The following CPAP variants were observed in gnomAD, a reference collection of about 807,000 sequenced individuals.
CPAP encodes centrosome assembly and centriole elongation protein.
At chr13:24,911,800 A>T in the CPAP span, 1 of 972,754 alleles carries the variant, frequency 1.0e-6, no homozygotes, top group Admixed American at 1.9e-5. Flanking sequence ...GTTGTATTAC[A>T]ACTCTACCAT....
the CPAP span, among the ~76,000 whole-genome samples, chr13:24,922,119 C>T: frequency 6.6e-6 from 1 of 152,080 alleles, no homozygotes; most frequent in Non-Finnish European, 1.5e-5. Flanking sequence ...GCAATTATAC[C>T]TCAATAAAAC....
At chr13:24,909,717 A>G in the CPAP span, 8 of 1,383,590 alleles carry the variant, frequency 5.8e-6, no homozygotes, top group African/African-American at 1.5e-5. Flanking sequence ...TAAAGAAAAA[A>G]CATGGAAAGG....
the CPAP span, among the ~76,000 whole-genome samples, chr13:24,933,309 A>C: frequency 6.6e-6 from 1 of 152,236 alleles, no homozygotes; most frequent in Non-Finnish European, 1.5e-5. Flanking sequence ...CCAGAGGCAG[A>C]GGAGGACCAG....
chr13:24,904,119 G>C, the CPAP span: 2 of 1,584,250 alleles, frequency 1.3e-6, no homozygotes, highest in Admixed American at 1.7e-5. Context: ...AAAAACACTA[G>C]CTAGCTAGTA....
At chr13:24,907,267 T>C in the CPAP span, 22 of 1,265,536 alleles carry the variant, frequency 1.7e-5, no homozygotes, top group Admixed American at 3.6e-5. Flanking sequence ...GTGCCTGGTA[T>C]AGAAACCCTT....
At chr13:24,918,092 T>C in the CPAP span, among the ~76,000 whole-genome samples, 4 of 152,230 alleles carry the variant, frequency 2.6e-5, no homozygotes, top group East Asian at 3.8e-4. Context: ...AATTATGGCA[T>C]ATTTTTCTAG....
chr13:24,905,424 A>G, the CPAP span: 2 of 1,614,172 alleles, frequency 1.2e-6, no homozygotes, highest in Non-Finnish European at 1.7e-6. Flanking sequence ...GGTTTCAAAG[A>G]AGGAAAGAAT....
chr13:24,919,018 AAAG>A, the CPAP span, among the ~76,000 whole-genome samples: 9 of 150,644 alleles, frequency 6.0e-5, no homozygotes, highest in African/African-American at 9.8e-5. Flanking sequence ...AAAAGCCTGG[AAAG>A]AAGGAGGGTG....
At chr13:24,915,770 G>T in the CPAP span, among the ~76,000 whole-genome samples, 51 of 152,284 alleles carry the variant, frequency 3.3e-4, no homozygotes, top group African/African-American at 1.2e-3. Context: ...TTGCACTCCA[G>T]CCTGGGCAAC....
chr13:24,910,242 T>C, the CPAP span, among the ~76,000 whole-genome samples: 1 of 152,234 alleles, frequency 6.6e-6, no homozygotes, highest in Non-Finnish European at 1.5e-5. Context: ...CATTGATTGT[T>C]TGAGACAGTC....
chr13:24,889,994 C>T, the CPAP span, among the ~76,000 whole-genome samples: 1 of 152,128 alleles, frequency 6.6e-6, no homozygotes, highest in Non-Finnish European at 1.5e-5. Flanking sequence ...TAGAACTTGT[C>T]ATTATCAATA....
chr13:24,926,415 G>C, the CPAP span, among the ~76,000 whole-genome samples: 1 of 152,172 alleles, frequency 6.6e-6, no homozygotes, highest in Non-Finnish European at 1.5e-5. Context: ...AGGCACGTTA[G>C]ACCAAGAACT....
the CPAP span, chr13:24,884,079 T>C: frequency 6.3e-7 from 1 of 1,586,176 alleles, no homozygotes; most frequent in Admixed American, 1.8e-5. Context: ...CTGGGTAATG[T>C]TTTTCTGTTT....
chr13:24,907,264 G>T, the CPAP span: 2 of 1,286,484 alleles, frequency 1.6e-6, no homozygotes, highest in Non-Finnish European at 1.1e-6. Flanking sequence ...AGTGTGCCTG[G>T]TATAGAAACC....
At chr13:24,899,638 G>A in the CPAP span, 7 of 1,419,412 alleles carry the variant, frequency 4.9e-6, no homozygotes, top group Non-Finnish European at 5.9e-6. Flanking sequence ...GTGCAGTGAT[G>A]TGCAGAACCT....
chr13:24,923,013 C>G, the CPAP span: 2 of 152,340 alleles, frequency 1.3e-5, no homozygotes, highest in Non-Finnish European at 2.9e-5. Context: ...CGCCGCCTTC[C>G]GACCAGCAGC....
the CPAP span, among the ~76,000 whole-genome samples, chr13:24,910,781 G>C: frequency 6.6e-6 from 1 of 152,116 alleles, no homozygotes; most frequent in Non-Finnish European, 1.5e-5. Flanking sequence ...AAGTGATCTT[G>C]ATTATTCTTT....
chr13:24,887,551 T>C, the CPAP span, among the ~76,000 whole-genome samples: 2 of 152,212 alleles, frequency 1.3e-5, no homozygotes, highest in Non-Finnish European at 2.9e-5. Context: ...CCTGATGATC[T>C]GTCACTGTCT....
At chr13:24,905,490 C>G in the CPAP span, 27 of 1,614,058 alleles carry the variant, frequency 1.7e-5, no homozygotes, top group Non-Finnish European at 2.2e-5. Flanking sequence ...TTGCTCAAGT[C>G]TTCTCCCCTC....
Sources: allele counts gnomAD v4.1 joint callset (sites outside exome capture counted in the v4.1 genomes callset), GRCh38; gene constraint gnomAD v4.1.1; transcripts MANE v1.5; gene names NCBI Gene and HGNC (gene_info 2026-07-23, HGNC 2026-07-21).